The following ACBD5 variants were observed in gnomAD, a reference collection of about 807,000 sequenced individuals.
ACBD5 encodes the protein acyl-CoA binding domain containing 5, also known as acyl-CoA-binding domain-containing protein 5.
ACBD5 carries 40 observed loss-of-function variants against 71.8 expected under a neutral mutation model. That is an observed-to-expected ratio of 0.56 (90% CI 0.43 to 0.72). ACBD5 has a LOEUF of 0.72. ACBD5 is among the 30% of genes least tolerant of loss of function. The pLI, the probability that ACBD5 is intolerant of heterozygous loss-of-function variation, is 0.00. For synonymous variants in ACBD5, 229 were observed against 218.6 expected, an observed-to-expected ratio of 1.05 and a Z score of -0.42; for missense variants, 559 against 644.5, an observed-to-expected ratio of 0.87 and a Z score of 1.44.
downstream of ACBD5, among the ~76,000 whole-genome samples, chr10:27,191,488 T>G (rs770029115): frequency 1.4e-4 from 22 of 152,162 alleles, no homozygotes; most frequent in Non-Finnish European, 2.5e-4. Context: ...CCACCAGATG[T>G]TGACGGTGGA....
At chr10:27,187,751 C>A (rs377426661) in intron 13 of ACBD5, among the ~76,000 whole-genome samples, 447 of 139,036 alleles carry the variant, frequency 3.2e-3, no homozygotes, top group Non-Finnish European at 3.7e-3. Context: ...GACTCAGTCT[C>A]AAAAAAAAAA....
chr10:27,208,096 C>T (rs1310681176), intron 10 of ACBD5, 150 bp downstream of exon 10: 5 of 828,854 alleles, frequency 6.0e-6, no homozygotes, highest in African/African-American at 1.7e-5. Flanking sequence ...CTGGGTCAGT[C>T]TTTTCTTAAA....
chr10:27,237,621 C>T (rs371326783), intron 2 of ACBD5, among the ~76,000 whole-genome samples: 101 of 133,690 alleles, frequency 7.6e-4, no homozygotes, highest in Non-Finnish European at 1.2e-3. Context: ...GATAGGATAT[C>T]TTTTTTTTTT....
At chr10:27,218,367 A>T (rs905376040) in intron 6 of ACBD5, among the ~76,000 whole-genome samples, 184 bp from the exon 7 acceptor site, 2 of 152,270 alleles carry the variant, frequency 1.3e-5, no homozygotes, top group South Asian at 4.2e-4. Context: ...GAGCTCACCC[A>T]AACTATGTTG....
At chr10:27,238,837 T>C (rs1294194054) in intron 2 of ACBD5, among the ~76,000 whole-genome samples, 2 of 152,234 alleles carry the variant, frequency 1.3e-5, no homozygotes, top group South Asian at 2.1e-4. Context: ...TATAGTAACA[T>C]ATTATTGTTG....
intron 7 of ACBD5, 27 bp downstream of exon 7, chr10:27,217,953 G>C (rs1264937310): frequency 5.0e-6 from 8 of 1,600,970 alleles, no homozygotes; most frequent in Non-Finnish European, 6.8e-6. Flanking sequence ...GAAAGAGGCT[G>C]GACACAGAAT....
intron 6 of ACBD5, among the ~76,000 whole-genome samples, chr10:27,219,129 C>T (rs1296377284): frequency 6.6e-6 from 1 of 151,946 alleles, no homozygotes; most frequent in Admixed American, 6.6e-5. Context: ...TGGTGACATC[C>T]TGTCTCTACT....
Position 27,197,307 on chromosome 10 carries a change from A to G in ACBD5, c.*123T>C, listed in dbSNP as rs771396498. 2 of 910,282 alleles carry G rather than the reference A, an allele frequency of 2.2e-6. No individual in the cohort carries two copies. The highest frequency in any genetic ancestry group is 1.4e-5 in the South Asian group (1 of 72,030). The allele number at this position is 910,282 out of a possible 1,614,324, so 56.4% of individuals were successfully genotyped here. The stretch of plus-strand genomic sequence containing the variant: ...ATGTGTATATATGTACACAAACTAA[A>G]CTACTGGACAACAAAAAGCAATGTA... On this transcript the variant is annotated 3_prime_UTR_variant, in exon 13 of 13. Transcript: ENST00000396271.
At chr10:27,202,588 G>GC (rs2060032686) in intron 12 of ACBD5, among the ~76,000 whole-genome samples, 1 of 150,942 alleles carries the variant, frequency 6.6e-6, no homozygotes, top group African/African-American at 2.5e-5. Flanking sequence ...AGTGTAGTTT[G>GC]TTTTTTCAAT....
rs1005177386 is a variant in ACBD5, at chr10:27,196,300, G to C, written c.*1130C>G. 2.2e-6 allele frequency: 1 copy of C among 454,118 alleles called. No individual in the cohort carries two copies. The highest frequency in any genetic ancestry group is 4.4e-6 in the Non-Finnish European group (1 of 226,786). The allele number at this position is 454,118 out of a possible 1,614,324, so 28.1% of individuals were successfully genotyped here. A position where few individuals can be genotyped will look rare whatever the true frequency, so the allele number is the denominator to read the frequency against. On this transcript the variant is annotated 3_prime_UTR_variant, in exon 13 of 13. Transcript: ENST00000396271. The stretch of plus-strand genomic sequence containing the variant: ...AAGTTTTGGAAGGCATACAGGAAAA[G>C]TCTCCAAGGATCTAAATTGTAGTCT...
chr10:27,219,645 T>C, intron 6 of ACBD5, 78 bp downstream of exon 6: 1 of 1,577,820 alleles, frequency 6.3e-7, no homozygotes, highest in East Asian at 2.3e-5. Flanking sequence ...TCTTCTACAA[T>C]ACCAAATCAG....
At chr10:27,202,065 A>T (rs2059982591) in intron 12 of ACBD5, among the ~76,000 whole-genome samples, 4 of 152,072 alleles carry the variant, frequency 2.6e-5, no homozygotes, top group Admixed American at 2.6e-4. Context: ...TCCCCATCCT[A>T]ATCAGATTTC....
chr10:27,215,696 A>AAAGG, intron 7 of ACBD5, 55 bp from the exon 8 acceptor site: 2 of 1,294,984 alleles, frequency 1.5e-6, no homozygotes, highest in Non-Finnish European at 2.2e-6. Context: ...GAAGAAAAAC[A>AAAGG]AATTTATTCC....
intron 12 of ACBD5, 69 bp from the exon 13 acceptor site, chr10:27,197,511 A>G (rs569043565): frequency 1.0e-4 from 116 of 1,145,604 alleles, no homozygotes; most frequent in African/African-American, 7.7e-4. Context: ...ATGGTAACAT[A>G]ATAATAATAA....
chr10:27,190,979 G>A (rs976086246), downstream of ACBD5, among the ~76,000 whole-genome samples: 3 of 152,128 alleles, frequency 2.0e-5, no homozygotes, highest in African/African-American at 7.2e-5. Context: ...AGTTTGAGAT[G>A]TCTGTGAGAC....
At chr10:27,208,551 A>T in intron 9 of ACBD5, 106 bp from the exon 10 acceptor site, 1 of 1,362,542 alleles carries the variant, frequency 7.3e-7, no homozygotes, top group Non-Finnish European at 1.0e-6. Context: ...AAATCTCCAA[A>T]GTGTGGCCAG....
At chr10:27,241,872 C>A (rs1397501448), upstream of ACBD5, among the ~76,000 whole-genome samples, 3 of 152,086 alleles carry the variant, frequency 2.0e-5, no homozygotes, top group Admixed American at 2.0e-4. Flanking sequence ...GTGCCCCAGG[C>A]CGAACGTTGG....
At chr10:27,188,462 G>T (rs1301435102) in intron 13 of ACBD5, among the ~76,000 whole-genome samples, 2 of 152,184 alleles carry the variant, frequency 1.3e-5, no homozygotes, top group African/African-American at 4.8e-5. Flanking sequence ...GATTAATAGT[G>T]ATTAATTTGG....
intron 6 of ACBD5, among the ~76,000 whole-genome samples, chr10:27,219,119 T>G (rs938243708): frequency 6.6e-6 from 1 of 151,964 alleles, no homozygotes; most frequent in South Asian, 2.1e-4. Context: ...CTGGTCAACA[T>G]GGTGACATCC....
Sources: gnomAD v4.1 joint callset for allele counts (sites outside exome capture counted in the v4.1 genomes callset) on GRCh38, gnomAD v4.1.1 for gene constraint, MANE v1.5 for transcripts, NCBI Gene and HGNC (gene_info 2026-07-23, HGNC 2026-07-21) for gene names.